CGNL1: variants seen among roughly 807,000 people sequenced by gnomAD.
CGNL1 encodes cingulin-like protein 1.
A neutral mutation model predicts 141.2 loss-of-function variants in CGNL1; 132 were observed. The observed-to-expected ratio is 0.93, with a 90% CI of 0.81 to 1.08. The LOEUF (loss-of-function observed/expected upper bound fraction) is 1.08. CGNL1 is among the 50% of genes least tolerant of loss of function. The probability of loss-of-function intolerance (pLI) is 0.00; values close to 1 mark genes in which losing one functional copy is unlikely to be tolerated. For missense variants in CGNL1, 1,870 were observed against 1,588.6 expected, an observed-to-expected ratio of 1.18 and a Z score of -3.01; for synonymous variants, 690 against 622.1, an observed-to-expected ratio of 1.11 and a Z score of -1.63.
At chr15:57,437,472 G>C (rs1299453420) in intron 1 of CGNL1, among the ~76,000 whole-genome samples, 1 of 151,924 alleles carries the variant, frequency 6.6e-6, no homozygotes, top group African/African-American at 2.4e-5. Context: ...ATGAACTGCA[G>C]AGTAACAAAG....
In CGNL1 at chr15:57,518,422, T is replaced by G. The variant is rs2030998442; in HGVS notation, c.2640T>G (p.Leu880=). Reference sequence around the variant, plus strand: ...AAATACGACAGTTAGAGGAGGCCCTTGTGCACGCCAGAAAGGAAGAAAAAG... The same window carrying G: ...AAATACGACAGTTAGAGGAGGCCCTGGTGCACGCCAGAAAGGAAGAAAAAG... ...EGEIRQLEEA[L]VHARKEEKEA... is the part of the protein sequence containing the mutation. Residue 880 remains leucine (L), a synonymous_variant, in exon 10 of 19, where the codon CTT becomes CTG. Coordinates refer to ENST00000281282, the MANE Select transcript of CGNL1 (RefSeq NM_032866.5). The G allele has an allele frequency of 6.2e-7, 1 of 1,613,358 alleles. No individual in the cohort carries two copies. The highest frequency in any genetic ancestry group is 1.3e-5 in the African/African-American group (1 of 74,892).
At chr15:57,481,283 G>C (rs760841151) in intron 8 of CGNL1, among the ~76,000 whole-genome samples, 1 of 152,008 alleles carries the variant, frequency 6.6e-6, no homozygotes, top group Non-Finnish European at 1.5e-5. Flanking sequence ...CTGAGATATA[G>C]AACATTTACA....
At chr15:57,547,286 C>A in intron 18 of CGNL1, 69 bp from the exon 19 acceptor site, 1 of 1,574,412 alleles carries the variant, frequency 6.4e-7, no homozygotes, top group Non-Finnish European at 8.6e-7. Context: ...CAAAACCCTC[C>A]CTTTAAGTCC....
At chr15:57,546,523 A>C (rs1176006995) in intron 18 of CGNL1, among the ~76,000 whole-genome samples, 1 of 152,192 alleles carries the variant, frequency 6.6e-6, no homozygotes, top group African/African-American at 2.4e-5. Context: ...TAGGGCAGAT[A>C]AGACTAGCTC....
intron 14 of CGNL1, among the ~76,000 whole-genome samples, chr15:57,533,606 G>A (rs1187769626): frequency 6.6e-6 from 1 of 152,182 alleles, no homozygotes; most frequent in Admixed American, 6.5e-5. Context: ...CAGACCTTCA[G>A]TTCCATGTTT....
chr15:57,437,827 G>C (rs1274977662), intron 1 of CGNL1, among the ~76,000 whole-genome samples, 158 bp from the exon 2 acceptor site: 1 of 152,174 alleles, frequency 6.6e-6, no homozygotes, highest in Non-Finnish European at 1.5e-5. Context: ...TCACCAGAGG[G>C]CTGCCCTTCA....
In CGNL1 at chr15:57,453,803, G is replaced by A; in HGVS notation, c.2175G>A (p.Lys725=). ...CAAAGCGATCGGAGGACAGGGAGAAGGGAGCTCTGATTGAGGTAAGCAGGG... is the reference window on the plus strand; with the variant it reads ...CAAAGCGATCGGAGGACAGGGAGAAAGGAGCTCTGATTGAGGTAAGCAGGG... ...DSAKRSEDRE[K]GALIEELLQA... The change falls in exon 7 of 19, where the codon AAG becomes AAA. Residue 725 remains lysine, a synonymous_variant. Transcript: ENST00000281282. The A allele has an allele frequency of 6.2e-7, 1 of 1,613,584 alleles. No individual in the cohort carries two copies. The highest frequency in any genetic ancestry group is 1.1e-5 in the South Asian group (1 of 91,062).
In CGNL1 at chr15:57,415,888, A is replaced by AT. The variant is rs199700407; in HGVS notation, c.-15-22091dup. 4.2e-4 allele frequency among the ~76,000 whole-genome samples: 64 copies of AT among 152,076 alleles called. No individual in the cohort carries two copies. The East Asian group carries it at 0.011, about 25-fold the overall frequency. On this transcript the variant is annotated intron_variant, in intron 1 of 18. Transcript: ENST00000281282. ...AAGGGAACAAGGTTAGTTTCTCCTG[A>AT]TTTTTTCCCAGCGAACCTCCAGTGG...
intron 8 of CGNL1, among the ~76,000 whole-genome samples, chr15:57,464,218 C>G (rs1595731356): frequency 6.6e-6 from 1 of 151,990 alleles, no homozygotes; most frequent in Non-Finnish European, 1.5e-5. Context: ...AGGGCATGTC[C>G]TTTGCTGGAG....
Position 57,544,400 on chromosome 15 carries a change from C to G in CGNL1, c.3376-73C>G, listed in dbSNP as rs557399015. On this transcript the variant is annotated intron_variant, in intron 15 of 18. Coordinates refer to ENST00000281282, the MANE Select transcript of CGNL1 (RefSeq NM_032866.5). The stretch of plus-strand genomic sequence containing the variant: ...GCAGCGACCAAACACCAGGTTCTGC[C>G]CCATATTCTTCGCTGCTCTGCACAG... 4 of 1,574,878 alleles carry G rather than the reference C, an allele frequency of 2.5e-6. No homozygotes were observed. The African/African-American group carries it at 4.0e-5, about 16-fold the overall frequency.
chr15:57,445,292 A>G lies in CGNL1; in HGVS notation c.1803+2814A>G, dbSNP rs116654296. Among the ~76,000 whole-genome samples, 254 of 152,320 alleles carry G rather than the reference A, an allele frequency of 1.7e-3. 1 individual carries two copies. The highest frequency in any genetic ancestry group is 5.9e-3 in the African/African-American group (245 of 41,564). On this transcript the variant is annotated intron_variant, in intron 4 of 18. Transcript: ENST00000281282. ...AACAACAAAAGAAGCTGCCAAATCA[A>G]GAGATGATGAGAAAATGAACCAAGA... is the stretch of plus-strand genomic sequence containing the variant.
At chr15:57,453,976 CCT>C (rs2063350810) in intron 7 of CGNL1, among the ~76,000 whole-genome samples, 158 bp downstream of exon 7, 1 of 152,156 alleles carries the variant, frequency 6.6e-6, no homozygotes, top group Non-Finnish European at 1.5e-5. Context: ...TTGATTCTCT[CCT>C]CTCAGCTTGG....
intron 4 of CGNL1, among the ~76,000 whole-genome samples, chr15:57,447,832 GTGTGTGTGTGTGTA>G (rs1383413227): frequency 7.2e-6 from 1 of 138,976 alleles, no homozygotes; most frequent in African/African-American, 3.0e-5. Context: ...GTGTGTGTGT[GTGTGTGTGTGTGTA>G]TGTTGTATGT....
chr15:57,533,745 T>C (rs2032091959), intron 14 of CGNL1, among the ~76,000 whole-genome samples: 1 of 152,222 alleles, frequency 6.6e-6, no homozygotes, highest in African/African-American at 2.4e-5. Flanking sequence ...CACTTCTTTT[T>C]CCTTTCAACT....
At chr15:57,388,675 G>A (rs2062510101) in intron 1 of CGNL1, among the ~76,000 whole-genome samples, 2 of 152,254 alleles carry the variant, frequency 1.3e-5, no homozygotes, top group African/African-American at 2.4e-5. Flanking sequence ...CAGTCCATGG[G>A]ACAGGGTGAT....
chr15:57,494,655 A>G (rs1595763546), intron 8 of CGNL1, among the ~76,000 whole-genome samples: 1 of 152,198 alleles, frequency 6.6e-6, no homozygotes, highest in Admixed American at 6.5e-5. Flanking sequence ...TCTTCATTTC[A>G]GACTAATTGC....
intron 8 of CGNL1, among the ~76,000 whole-genome samples, chr15:57,493,359 C>A (rs899171842): frequency 6.6e-6 from 1 of 152,100 alleles, no homozygotes; most frequent in Admixed American, 6.6e-5. Flanking sequence ...AAGGAGCTTT[C>A]TAGTGATGGA....
At chr15:57,433,030 A>T (rs879291620) in intron 1 of CGNL1, among the ~76,000 whole-genome samples, 1 of 150,594 alleles carries the variant, frequency 6.6e-6, no homozygotes, top group Non-Finnish European at 1.5e-5. Flanking sequence ...TTGAAAAGTC[A>T]GTGTCAGCAT....
chr15:57,376,692 G>A (rs1320041255), intron 1 of CGNL1, 125 bp downstream of exon 1: 3 of 151,836 alleles, frequency 2.0e-5, no homozygotes, highest in Non-Finnish European at 4.4e-5. Flanking sequence ...ACTGTGCTCA[G>A]TCCGCGCGTC....
Sources: gnomAD v4.1 joint callset for allele counts (sites outside exome capture counted in the v4.1 genomes callset) on GRCh38, gnomAD v4.1.1 for gene constraint, MANE v1.5 for transcripts, NCBI Gene and HGNC (gene_info 2026-07-23, HGNC 2026-07-21) for gene names.